The following USP10 variants were observed in gnomAD, a reference collection of about 807,000 sequenced individuals.
USP10 encodes ubiquitin specific peptidase 10.
Under a neutral mutation model 84.5 loss-of-function variants are expected in USP10, and 22 were observed. That is an observed-to-expected ratio of 0.26 (90% CI 0.19 to 0.37). The LOEUF (loss-of-function observed/expected upper bound fraction) is 0.37. Ranked by LOEUF, USP10 falls within the 10% of genes least tolerant of loss-of-function variation. The pLI, the probability that USP10 is intolerant of heterozygous loss-of-function variation, is 1.00. For missense variants in USP10, 1,019 were observed against 998.9 expected (o/e 1.02, Z -0.27); for synonymous variants, 454 against 387.6 (o/e 1.17, Z -2.01).
chr16:84,757,396 G>GTGTGTGTGT (rs11373011), intron 4 of USP10, among the ~76,000 whole-genome samples: 92 of 127,420 alleles, frequency 7.2e-4, no homozygotes, highest in Middle Eastern at 4.5e-3. Flanking sequence ...GAATGAGAGG[G>GTGTGTGTGT]GTGGGGGTGT....
intron 12 of USP10, among the ~76,000 whole-genome samples, chr16:84,774,605 A>G (rs959659120): frequency 6.6e-5 from 10 of 151,754 alleles, no homozygotes; most frequent in Admixed American, 1.3e-4. Context: ...CGAGTAGCTG[A>G]GACTACAGCC....
chr16:84,748,762 A>C (rs972339557), intron 4 of USP10, among the ~76,000 whole-genome samples: 2 of 152,240 alleles, frequency 1.3e-5, no homozygotes, highest in African/African-American at 2.4e-5. Flanking sequence ...ATAGTTTGAT[A>C]AATAGTTTGT....
In USP10 at chr16:84,772,689, A is replaced by G; in HGVS notation, c.2143+4A>G. On this transcript the variant is annotated splice_donor_region_variant and intron_variant, in intron 12 of 13. Transcript: ENST00000219473. ...GTGGACTTGGAAATTAGTAAAGGTA[A>G]TGCATACATAAGGTCGGGAGTGTTC... 6.2e-7 allele frequency: 1 copy of G among 1,613,932 alleles called. No individual in the cohort carries two copies.
chr16:84,753,789 T>C (rs989239789), intron 4 of USP10, among the ~76,000 whole-genome samples: 2 of 152,280 alleles, frequency 1.3e-5, no homozygotes, highest in African/African-American at 2.4e-5. Flanking sequence ...AGATGTTTAA[T>C]TGATCCTGTA....
rs549673583 is a variant in USP10 at position 84,702,735 on chromosome 16, G to C, written c.21+2624G>C. Among the ~76,000 whole-genome samples the C allele has an allele frequency of 2.0e-5, 3 of 152,226 alleles. No homozygotes were observed. In the East Asian group the frequency reaches 5.8e-4, roughly 29 times the overall value. ...CAGGCCAGCGCGGTGGCTCGTGCCT[G>C]TAATCCCAGCACTTTGGGAGGCGCA... On this transcript the variant is annotated intron_variant, in intron 1 of 13. Coordinates refer to ENST00000219473, the MANE Select transcript of USP10 (RefSeq NM_005153.3).
chr16:84,748,188 G>A (rs916760185), intron 4 of USP10, among the ~76,000 whole-genome samples: 1 of 147,084 alleles, frequency 6.8e-6, no homozygotes, highest in South Asian at 2.2e-4. Flanking sequence ...GATAGATTGT[G>A]TAAGCCTTTA....
intron 9 of USP10, 69 bp from the exon 10 acceptor site, chr16:84,764,017 A>T (rs1357814481): frequency 1.3e-6 from 2 of 1,497,256 alleles, no homozygotes; most frequent in African/African-American, 2.8e-5. Flanking sequence ...CAATCGACAG[A>T]TCTGTGCCTT....
chr16:84,729,240 A>G (rs190805840), intron 1 of USP10, among the ~76,000 whole-genome samples: 2 of 152,378 alleles, frequency 1.3e-5, no homozygotes, highest in Admixed American at 6.5e-5. Context: ...CACATCATTC[A>G]TAATCCATGT....
intron 4 of USP10, among the ~76,000 whole-genome samples, chr16:84,756,184 C>T (rs1178393443): frequency 1.3e-5 from 2 of 151,566 alleles, no homozygotes; most frequent in African/African-American, 2.4e-5. Context: ...CACTGGTCTG[C>T]GAGCTTGCCT....
At chr16:84,701,818 A>G (rs1467265169) in intron 1 of USP10, among the ~76,000 whole-genome samples, 1 of 152,208 alleles carries the variant, frequency 6.6e-6, no homozygotes, top group Non-Finnish European at 1.5e-5. Context: ...AAGTTGGCGG[A>G]ACGTAAATGT....
chr16:84,720,788 T>G (rs1362815062), intron 1 of USP10, among the ~76,000 whole-genome samples: 2 of 150,666 alleles, frequency 1.3e-5, no homozygotes, highest in Non-Finnish European at 3.0e-5. Flanking sequence ...TTCACCGTAT[T>G]AGCGGGGATG....
intron 1 of USP10, among the ~76,000 whole-genome samples, chr16:84,725,840 T>C (rs2216762): frequency 0.8 from 121,544 of 152,234 alleles, 48,983 homozygotes; most frequent in Admixed American, 0.87. Flanking sequence ...GCTTTAATCA[T>C]GCCAAACAGT....
At chr16:84,728,351 T>C (rs1908777165) in intron 1 of USP10, among the ~76,000 whole-genome samples, 1 of 111,048 alleles carries the variant, frequency 9.0e-6, no homozygotes, top group Admixed American at 8.1e-5. Flanking sequence ...ATATTTGGCC[T>C]TTTTTACTTT....
intron 4 of USP10, among the ~76,000 whole-genome samples, chr16:84,756,032 C>G (rs1912494235): frequency 6.6e-6 from 1 of 152,166 alleles, no homozygotes; most frequent in Admixed American, 6.5e-5. Context: ...GTGGCTTCAA[C>G]CCCTGACCTT....
At chr16:84,768,479 C>A (rs1914095957) in intron 11 of USP10, 121 bp downstream of exon 11, 7 of 959,758 alleles carry the variant, frequency 7.3e-6, no homozygotes, top group Non-Finnish European at 1.0e-5. Flanking sequence ...GTTGCTTAAC[C>A]ATTTTGTACT....
chr16:84,775,218 C>T lies in USP10; in HGVS notation c.2202C>T (p.Leu734=), dbSNP rs774298. The change falls in exon 13 of 14, where the codon CTC becomes CTT. Residue 734 remains leucine (L), a synonymous_variant. Transcript: ENST00000219473. ...KNFKCHRTYR[L]FAVVYHHGNS... is the part of the protein sequence containing the mutation. ...TTAAATGCCACCGAACCTATCGGCT[C>T]TTTGCAGGTGAGTAAATTTGTACGA... 20 of 1,613,168 alleles carry T rather than the reference C, an allele frequency of 1.2e-5. No individual in the cohort carries two copies. In the South Asian group the frequency reaches 1.9e-4, roughly 15 times the overall value.
At chr16:84,759,582 TTC>T (rs1912961850) in intron 6 of USP10, 110 bp downstream of exon 6, 2 of 1,030,548 alleles carry the variant, frequency 1.9e-6, no homozygotes, top group East Asian at 2.6e-5. Flanking sequence ...AGTCCTATAA[TTC>T]TGTCTTTTTT....
intron 1 of USP10, among the ~76,000 whole-genome samples, chr16:84,707,413 C>A (rs904828156): frequency 1.7e-4 from 26 of 150,572 alleles, no homozygotes; most frequent in Middle Eastern, 3.4e-3. Flanking sequence ...ATTTTTAAGA[C>A]ACGAAAACAG....
At chr16:84,771,073 G>A (rs8059257) in intron 11 of USP10, among the ~76,000 whole-genome samples, 103,222 of 150,082 alleles carry the variant, frequency 0.69, 35,813 homozygotes, top group Non-Finnish European at 0.75. Flanking sequence ...AAAAAAAAGT[G>A]TTATCCAAAT....
Sources: gnomAD v4.1 joint callset for allele counts (sites outside exome capture counted in the v4.1 genomes callset) on GRCh38, gnomAD v4.1.1 for gene constraint, MANE v1.5 for transcripts, NCBI Gene and HGNC (gene_info 2026-07-23, HGNC 2026-07-21) for gene names.